Variants in DUSP10 observed in about 807,000 individuals in gnomAD.
DUSP10 encodes the protein dual specificity phosphatase 10.
A neutral mutation model predicts 30.8 loss-of-function variants in DUSP10; 14 were observed. That is an observed-to-expected ratio of 0.46 (90% CI 0.30 to 0.71). The LOEUF is 0.71. Ranked by LOEUF, DUSP10 falls within the 30% of genes least tolerant of loss-of-function variation. DUSP10 has a pLI of 0.08. For synonymous variants in DUSP10, 254 were observed against 250.4 expected (o/e 1.01, Z -0.14); for missense variants, 550 against 619.4 (o/e 0.89, Z 1.19).
At chr1:221,713,850 G>A (rs531589863) in intron 2 of DUSP10, among the ~76,000 whole-genome samples, 44 of 152,262 alleles carry the variant, frequency 2.9e-4, no homozygotes, top group Non-Finnish European at 5.6e-4. Flanking sequence ...GAGCTACAGG[G>A]AAAGAGGTAT....
At chr1:221,738,425 C>T (rs1004638692) in intron 2 of DUSP10, among the ~76,000 whole-genome samples, 15 of 152,116 alleles carry the variant, frequency 9.9e-5, no homozygotes, top group African/African-American at 2.7e-4. Flanking sequence ...CTTTATAAAC[C>T]ACATAAAAGT....
At position 221,714,878 on chromosome 1, in the gene DUSP10, T is replaced by A. The variant is rs150468568; in HGVS notation, c.812-8412A>T. Among the ~76,000 whole-genome samples the A allele has an allele frequency of 1.7e-3, 256 of 152,286 alleles. 1 individual carries two copies. Among genetic ancestry groups the A allele is most frequent in the African/African-American group, 5.2e-3 (218 of 41,552 alleles). On this transcript the variant is annotated intron_variant, in intron 2 of 3. Transcript: ENST00000366899. ...TTACTATTGTTTCTCTCAGATGATG[T>A]GCCATTCCCTCCCACCCCAACGTTA...
intron 2 of DUSP10, among the ~76,000 whole-genome samples, chr1:221,709,724 G>A (rs772342844): frequency 9.2e-5 from 14 of 152,190 alleles, no homozygotes; most frequent in Middle Eastern, 6.8e-3. Context: ...TCTGCAGGAA[G>A]GATTGTTTTC....
chr1:221,722,684 G>A (rs1571821502), intron 2 of DUSP10, among the ~76,000 whole-genome samples: 1 of 152,224 alleles, frequency 6.6e-6, no homozygotes, highest in Non-Finnish European at 1.5e-5. Context: ...GCATTCTAAG[G>A]TGGCCCCAAG....
intron 2 of DUSP10, among the ~76,000 whole-genome samples, chr1:221,709,530 C>T (rs1439194426): frequency 6.6e-6 from 1 of 152,126 alleles, no homozygotes; most frequent in Admixed American, 6.5e-5. Context: ...CAAGGAAATT[C>T]TCCTTGAGGG....
At chr1:221,731,075 A>C (rs1037132906) in intron 2 of DUSP10, among the ~76,000 whole-genome samples, 27 of 152,338 alleles carry the variant, frequency 1.8e-4, no homozygotes, top group Non-Finnish European at 3.4e-4. Context: ...TTTCTGAATG[A>C]GTATGATTAC....
At chr1:221,739,825 C>T in intron 1 of DUSP10, 38 bp from the exon 2 acceptor site, 3 of 1,482,110 alleles carry the variant, frequency 2.0e-6, no homozygotes, top group Non-Finnish European at 2.7e-6. Flanking sequence ...AGAATAAAGT[C>T]ACGTGACACA....
chr1:221,740,365 T>C (rs1027910054), intron 1 of DUSP10, among the ~76,000 whole-genome samples: 3 of 152,266 alleles, frequency 2.0e-5, no homozygotes, highest in Admixed American at 6.5e-5. Context: ...CTTGGAGCTA[T>C]TCTTGCCTTC....
In DUSP10 at chr1:221,702,171, C is replaced by A; in HGVS notation, c.*241G>T. 1 of 487,758 alleles carries A rather than the reference C, an allele frequency of 2.1e-6. No individual in the cohort carries two copies. Among genetic ancestry groups the A allele is most frequent in the Non-Finnish European group, 3.6e-6 (1 of 275,618 alleles). 30.2% of individuals were successfully genotyped at this position (487,758 alleles called of 1,614,324 possible). ...AGTTGTATTATATTTTTATTGTTGG[C>A]TTAAAAAAATTACTTCTTTAACCTC... On this transcript the variant is annotated 3_prime_UTR_variant, in exon 4 of 4. Transcript: ENST00000366899. This position sits in a 1 kb window ranked among gnomAD's most constrained non-coding sequence, Gnocchi z 4.5.
intron 2 of DUSP10, among the ~76,000 whole-genome samples, chr1:221,713,173 A>G (rs1660992485): frequency 6.6e-6 from 1 of 152,178 alleles, no homozygotes; most frequent in East Asian, 1.9e-4. Context: ...TGCAGAGGCA[A>G]CCCCATGCAA....
chr1:221,739,322 G>A lies in DUSP10; in HGVS notation c.423C>T (p.Pro141=). Residue 141 remains proline, a synonymous_variant, in exon 2 of 4, where the codon CCC becomes CCT. Coordinates refer to ENST00000366899, the MANE Select transcript of DUSP10 (RefSeq NM_007207.6). ...SGVGSPVSGT[P]KQLASIKIIY... Reference sequence around the variant, plus strand: ...TTATTTTGATGCTGGCTAGCTGCTTGGGGGTCCCTGACACAGGGCTGCCCA... The same window carrying A: ...TTATTTTGATGCTGGCTAGCTGCTTAGGGGTCCCTGACACAGGGCTGCCCA... The A allele has an allele frequency of 1.2e-6, 2 of 1,614,088 alleles. No homozygotes were observed. Among genetic ancestry groups the A allele is most frequent in the Non-Finnish European group, 8.5e-7 (1 of 1,179,980 alleles).
At chr1:221,740,447 C>T (rs749295696) in intron 1 of DUSP10, among the ~76,000 whole-genome samples, 1 of 152,190 alleles carries the variant, frequency 6.6e-6, no homozygotes, top group Non-Finnish European at 1.5e-5. Context: ...CTTTTGGCCT[C>T]TTATAAATTA....
intron 2 of DUSP10, among the ~76,000 whole-genome samples, chr1:221,725,920 G>C (rs775771287): frequency 6.6e-6 from 1 of 152,200 alleles, no homozygotes; most frequent in Non-Finnish European, 1.5e-5. Context: ...TGTTAGCCTT[G>C]CCAGATCATT....
At chr1:221,736,682 T>C (rs879527347) in intron 2 of DUSP10, among the ~76,000 whole-genome samples, 1 of 152,174 alleles carries the variant, frequency 6.6e-6, no homozygotes, top group Non-Finnish European at 1.5e-5. Context: ...TCCCTTCTTT[T>C]CCATCTTGGT....
At chr1:221,707,792 A>G (rs1660810483) in intron 2 of DUSP10, among the ~76,000 whole-genome samples, 1 of 152,224 alleles carries the variant, frequency 6.6e-6, no homozygotes, top group Non-Finnish European at 1.5e-5. Flanking sequence ...AATAAATAAA[A>G]CATTTTGGTT....
At chr1:221,735,138 T>C (rs1056348679) in intron 2 of DUSP10, among the ~76,000 whole-genome samples, 1 of 152,242 alleles carries the variant, frequency 6.6e-6, no homozygotes, top group African/African-American at 2.4e-5. Flanking sequence ...TCCCCATGGA[T>C]CATCCTTTTA....
chr1:221,706,182 CTT>C lies in DUSP10; in HGVS notation c.1094_1095del (p.Lys365ArgfsTer12). On this transcript the variant is annotated frameshift_variant, in exon 3 of 4. Coordinates refer to ENST00000366899, the MANE Select transcript of DUSP10 (RefSeq NM_007207.6). LOFTEE classifies it high-confidence loss of function. The surrounding 1 kb of genome is among the most constrained non-coding windows in gnomAD (Gnocchi z 4.6). ...TTHLPLYHYE[K>X]GLFNYKRLPA... is the part of the protein sequence containing the mutation. The stretch of plus-strand genomic sequence containing the variant: ...GGCAGCCGCTTGTAGTTGAACAGGC[CTT>C]TCTCATAGTGGTAGAGGGGAAGATG... 1 of 1,614,054 alleles carries C rather than the reference CTT, an allele frequency of 6.2e-7. No homozygotes were observed. Among genetic ancestry groups the C allele is most frequent in the Non-Finnish European group, 8.5e-7 (1 of 1,179,998 alleles).
At chr1:221,725,786 A>G (rs900224320) in intron 2 of DUSP10, among the ~76,000 whole-genome samples, 6 of 152,184 alleles carry the variant, frequency 3.9e-5, no homozygotes, top group African/African-American at 1.4e-4. Context: ...AGGAAGGGAG[A>G]CACAAACACA....
At chr1:221,734,901 T>C (rs1201433464) in intron 2 of DUSP10, among the ~76,000 whole-genome samples, 7 of 152,160 alleles carry the variant, frequency 4.6e-5, no homozygotes, top group African/African-American at 1.7e-4. Flanking sequence ...GAGACTTTTA[T>C]TCCCTTCCCC....
Sources: gnomAD v4.1 joint callset for allele counts (sites outside exome capture counted in the v4.1 genomes callset) on GRCh38, gnomAD v4.1.1 for gene constraint, Gnocchi (gnomAD v3.1) non-coding constraint, MANE v1.5 for transcripts, NCBI Gene and HGNC (gene_info 2026-07-23, HGNC 2026-07-21) for gene names.